The following PTPRE variants were observed in gnomAD, a reference collection of about 807,000 sequenced individuals.
PTPRE encodes protein tyrosine phosphatase receptor type E.
A neutral mutation model predicts 102.0 loss-of-function variants in PTPRE; 51 were observed. That is an observed-to-expected ratio of 0.50 (90% CI 0.40 to 0.63). The LOEUF (loss-of-function observed/expected upper bound fraction) is 0.63, where lower values mean the gene tolerates loss of function less well. Ranked by LOEUF, PTPRE falls within the 30% of genes least tolerant of loss-of-function variation. The pLI, the probability that PTPRE is intolerant of heterozygous loss-of-function variation, is 0.00. For synonymous variants in PTPRE, 345 were observed against 348.2 expected (o/e 0.99, Z 0.10); for missense variants, 752 against 915.1 (o/e 0.82, Z 2.30).
chr10:127,930,850 T>G (rs1445725517), intron 1 of PTPRE, among the ~76,000 whole-genome samples: 1 of 151,576 alleles, frequency 6.6e-6, no homozygotes, highest in Non-Finnish European at 1.5e-5. Context: ...TGGAGTGCAG[T>G]GGCGCGATAT....
intron 1 of PTPRE, among the ~76,000 whole-genome samples, chr10:127,962,596 C>T (rs144610198): frequency 2.6e-5 from 4 of 152,354 alleles, no homozygotes; most frequent in Non-Finnish European, 5.9e-5. Context: ...TGCATCAGTA[C>T]TTGCACCACA....
intron 1 of PTPRE, among the ~76,000 whole-genome samples, chr10:127,947,851 C>T (rs1371738689): frequency 6.6e-6 from 1 of 152,188 alleles, no homozygotes. Context: ...CTCTGGGGTA[C>T]AGGGAAGTAG....
chr10:127,949,114 G>T (rs1564820276), intron 1 of PTPRE, among the ~76,000 whole-genome samples: 1 of 152,218 alleles, frequency 6.6e-6, no homozygotes, highest in African/African-American at 2.4e-5. Context: ...CACGGACTGG[G>T]AATTTCACCA....
At chr10:127,970,054 CT>C (rs140695833) in intron 1 of PTPRE, among the ~76,000 whole-genome samples, 5 of 152,034 alleles carry the variant, frequency 3.3e-5, no homozygotes, top group Non-Finnish European at 7.4e-5. Context: ...AAGCTGAGTT[CT>C]TTTTTTGTTT....
At chr10:127,953,797 C>G (rs1367142351) in intron 1 of PTPRE, among the ~76,000 whole-genome samples, 2 of 152,154 alleles carry the variant, frequency 1.3e-5, no homozygotes, top group East Asian at 1.9e-4. Context: ...CCCTGAATGA[C>G]AGTGGTGAAG....
At position 128,077,661 on chromosome 10, in the gene PTPRE, T is replaced by A; in HGVS notation, c.1770T>A (p.Phe590Leu). 1 of 1,613,598 alleles carries A rather than the reference T, an allele frequency of 6.2e-7. No individual in the cohort carries two copies. Among genetic ancestry groups the A allele is most frequent in the Non-Finnish European group, 8.5e-7 (1 of 1,179,618 alleles). ...QEEQVRVVRQ[F>L]HFHGWPEIGI... ...AGCAGGTCCGAGTAGTGCGCCAGTT[T>A]CACTTCCACGGCTGGCCTGAGATCG... The change falls in exon 19 of 21, where the codon TTT becomes TTA. Residue 590 changes from phenylalanine to leucine, a missense_variant. By Grantham distance (22) the Phe-to-Leu change is conservative. Coordinates refer to ENST00000254667, the MANE Select transcript of PTPRE (RefSeq NM_006504.6).
intron 7 of PTPRE, among the ~76,000 whole-genome samples, chr10:128,058,503 G>C (rs12762420): frequency 6.6e-6 from 1 of 152,240 alleles, no homozygotes; most frequent in Non-Finnish European, 1.5e-5. Flanking sequence ...GGACCAGGAC[G>C]TGGCACTTCT....
At chr10:128,069,508 G>C (rs902987026) in intron 12 of PTPRE, 184 bp from the exon 13 acceptor site, 6 of 713,314 alleles carry the variant, frequency 8.4e-6, no homozygotes, top group South Asian at 1.9e-5. Flanking sequence ...TCAGAGGACC[G>C]GCCTGAGATC....
chr10:127,907,304 C>T lies in PTPRE; in HGVS notation c.-36C>T, dbSNP rs1420743775. ...CGATCTGCGCGACCAGACCGGCCCC[C>T]CCGAGGTGAGCGCGCGTGCGGACAG... is the stretch of plus-strand genomic sequence containing the variant. On this transcript the variant is annotated 5_prime_UTR_variant, in exon 1 of 21. Transcript: ENST00000254667. The surrounding 1 kb of genome is among the most constrained non-coding windows in gnomAD (Gnocchi z 4.8). 6.1e-6 allele frequency: 6 copies of T among 984,712 alleles called. No homozygotes were observed. The highest frequency in any genetic ancestry group is 5.2e-5 in the African/African-American group (3 of 57,158). The allele number at this position is 984,712 out of a possible 1,614,324, so 61.0% of individuals were successfully genotyped here.
At chr10:127,924,364 T>G (rs1237187046) in intron 1 of PTPRE, among the ~76,000 whole-genome samples, 1 of 152,128 alleles carries the variant, frequency 6.6e-6, no homozygotes, top group Non-Finnish European at 1.5e-5. Context: ...TAGCTGGGAC[T>G]ACAGGCGCCC....
At chr10:127,960,360 C>T (rs1849702824) in intron 1 of PTPRE, among the ~76,000 whole-genome samples, 1 of 152,228 alleles carries the variant, frequency 6.6e-6, no homozygotes. Context: ...AGACAAACCC[C>T]TCTATCGTTA....
intron 9 of PTPRE, chr10:128,062,847 C>T (rs530062572): frequency 8.1e-6 from 5 of 613,572 alleles, no homozygotes. Context: ...CGTCATAACT[C>T]AACCTGGGCC....
At chr10:128,040,446 G>T (rs529403320) in intron 2 of PTPRE, among the ~76,000 whole-genome samples, 11 of 152,154 alleles carry the variant, frequency 7.2e-5, no homozygotes, top group Non-Finnish European at 1.2e-4. Context: ...GGACAGCGTG[G>T]CCAGAGAACA....
chr10:127,979,939 T>C (rs1385135384), intron 1 of PTPRE, among the ~76,000 whole-genome samples: 1 of 152,152 alleles, frequency 6.6e-6, no homozygotes, highest in African/African-American at 2.4e-5. Context: ...TCAATCCTCT[T>C]GAGATATTGG....
At chr10:128,017,866 A>C (rs1477141343) in intron 2 of PTPRE, among the ~76,000 whole-genome samples, 1 of 152,224 alleles carries the variant, frequency 6.6e-6, no homozygotes, top group Non-Finnish European at 1.5e-5. Context: ...AGCCTGGCTC[A>C]GACATCCACT....
At chr10:127,946,761 C>A (rs373284002) in intron 1 of PTPRE, among the ~76,000 whole-genome samples, 1 of 152,162 alleles carries the variant, frequency 6.6e-6, no homozygotes, top group African/African-American at 2.4e-5. Flanking sequence ...TCACAGGACA[C>A]GGCAGCTCGT....
chr10:127,912,745 C>T (rs892891587), intron 1 of PTPRE, among the ~76,000 whole-genome samples: 1 of 152,212 alleles, frequency 6.6e-6, no homozygotes, highest in African/African-American at 2.4e-5. Flanking sequence ...ATGACTCTGT[C>T]GTCAGCTCCC....
intron 2 of PTPRE, among the ~76,000 whole-genome samples, chr10:127,984,078 CTTTTT>C (rs58130253): frequency 4.0e-5 from 5 of 125,386 alleles, no homozygotes; most frequent in Middle Eastern, 3.8e-3. Context: ...TTCTTTCTTT[CTTTTT>C]TTTTTTTTTT....
intron 2 of PTPRE, among the ~76,000 whole-genome samples, chr10:127,987,944 G>GC (rs759738704): frequency 2.0e-5 from 3 of 152,250 alleles, no homozygotes; most frequent in Non-Finnish European, 4.4e-5. Flanking sequence ...TGAGGCCAGG[G>GC]CCGGCACTCT....
Sources: allele counts gnomAD v4.1 joint callset (sites outside exome capture counted in the v4.1 genomes callset), GRCh38; gene constraint gnomAD v4.1.1; non-coding constraint Gnocchi (gnomAD v3.1); transcripts MANE v1.5; gene names NCBI Gene and HGNC (gene_info 2026-07-23, HGNC 2026-07-21).